Variants in PCDHGA8 observed in about 807,000 individuals in gnomAD.
PCDHGA8 encodes the protein protocadherin gamma subfamily A, 8, also known as protocadherin gamma-A8.
A neutral mutation model predicts 59.2 loss-of-function variants in PCDHGA8; 45 were observed. The observed-to-expected ratio is 0.76, with a 90% CI of 0.60 to 0.98. The LOEUF is 0.98. PCDHGA8 is among the 50% of genes least tolerant of loss of function. PCDHGA8 has a pLI of 0.00. For synonymous variants in PCDHGA8, 531 were observed against 519.0 expected, an observed-to-expected ratio of 1.02 and a Z score of -0.32; for missense variants, 1,257 against 1,196.2, an observed-to-expected ratio of 1.05 and a Z score of -0.75.
At chr5:141,410,818 T>G in intron 1 of PCDHGA8, 2 of 556,016 alleles carry the variant, frequency 3.6e-6, no homozygotes, top group Non-Finnish European at 5.8e-6. Context: ...TGTAAAATAA[T>G]GTCACCAGAC....
intron 1 of PCDHGA8, chr5:141,400,462 G>C: frequency 1.2e-6 from 2 of 1,614,062 alleles, no homozygotes; most frequent in Non-Finnish European, 1.7e-6. Flanking sequence ...ACTTTGTGGT[G>C]ATTCATCTGG....
rs751345684 is a variant in PCDHGA8 at position 141,398,995 on chromosome 5, C to G, written c.2424+3758C>G. ...CTACAGAACCGGGCAAATCTTTAGT[C>G]TGAATTCAAAGAGCGGAGAAATTAC... On this transcript the variant is annotated intron_variant, in intron 1 of 3. Transcript: ENST00000398604. 2.5e-5 allele frequency: 41 copies of G among 1,613,782 alleles called. No homozygotes were observed. The East Asian group carries it at 8.7e-4, about 34-fold the overall frequency.
At chr5:141,405,377 G>T (rs763495028) in intron 1 of PCDHGA8, 29 of 1,603,350 alleles carry the variant, frequency 1.8e-5, no homozygotes, top group Admixed American at 3.5e-5. Flanking sequence ...TTTGGTTCCG[G>T]TGAGTTCATT....
At chr5:141,458,438 C>T (rs2098945825) in intron 1 of PCDHGA8, among the ~76,000 whole-genome samples, 1 of 152,024 alleles carries the variant, frequency 6.6e-6, no homozygotes, top group Non-Finnish European at 1.5e-5. Flanking sequence ...GAGGAGGTCC[C>T]CCACATTAAC....
rs2099413746 is a variant in PCDHGA8, at chr5:141,477,589, G to A, written c.2425-17218G>A. ...ACCCCGACGCCCCGCAGAATGCTCGGCTTTCTTTCTTTCTCTTGGAGCAAG... is the reference window on the plus strand; with the variant it reads ...ACCCCGACGCCCCGCAGAATGCTCGACTTTCTTTCTTTCTCTTGGAGCAAG... On this transcript the variant is annotated intron_variant, in intron 1 of 3. Transcript: ENST00000398604. The surrounding 1 kb of genome is among the most constrained non-coding windows in gnomAD (Gnocchi z 4.9). 1 of 1,614,012 alleles carries A rather than the reference G, an allele frequency of 6.2e-7. No individual in the cohort carries two copies. The highest frequency in any genetic ancestry group is 1.1e-5 in the South Asian group (1 of 91,090).
chr5:141,479,568 G>A (rs553213095), intron 1 of PCDHGA8: 2 of 152,346 alleles, frequency 1.3e-5, no homozygotes, highest in East Asian at 3.9e-4. Context: ...GTAGTGGGAT[G>A]ACATCTGTGA....
chr5:141,424,434 T>C (rs2096821185), intron 1 of PCDHGA8: 1 of 151,048 alleles, frequency 6.6e-6, no homozygotes, highest in Admixed American at 6.6e-5. Flanking sequence ...GAGGAAATAA[T>C]TGAATTATTG....
chr5:141,428,358 G>T, intron 1 of PCDHGA8: 1 of 565,492 alleles, frequency 1.8e-6, no homozygotes, highest in Non-Finnish European at 3.2e-6. Flanking sequence ...TGATTTTGGC[G>T]GTCGCCTTGC....
At chr5:141,405,804 C>T (rs1277295024) in intron 1 of PCDHGA8, among the ~76,000 whole-genome samples, 1 of 146,338 alleles carries the variant, frequency 6.8e-6, no homozygotes, top group Non-Finnish European at 1.5e-5. Context: ...AGTTAGCTTT[C>T]TCTTTAACTG....
At chr5:141,409,617 C>A (rs2095293168) in intron 1 of PCDHGA8, 1 of 1,613,748 alleles carries the variant, frequency 6.2e-7, no homozygotes, top group South Asian at 1.1e-5. Context: ...GCCTCCATTG[C>A]GCAAGTGAGC....
chr5:141,406,906 C>T (rs1186250719), intron 1 of PCDHGA8, among the ~76,000 whole-genome samples: 1 of 152,048 alleles, frequency 6.6e-6, no homozygotes, highest in Non-Finnish European at 1.5e-5. Flanking sequence ...CTGTTTTTAG[C>T]TATAAGGAAG....
chr5:141,427,766 G>A lies in PCDHGA8; in HGVS notation c.2424+32529G>A, dbSNP rs549550151. The A allele has an allele frequency of 1.1e-4, 152 of 1,386,456 alleles. No homozygotes were observed. In the African/African-American group the frequency reaches 1.8e-3, roughly 17 times the overall value. The allele number at this position is 1,386,456 out of a possible 1,614,324, so 85.9% of individuals were successfully genotyped here. ...CCTACTCCATCGTTACCACTGACTT[G>A]GAGCTGCGGGCACTGTCGTCCTACG... On this transcript the variant is annotated intron_variant, in intron 1 of 3. Transcript: ENST00000398604.
Position 141,440,827 on chromosome 5 carries a change from A to G in PCDHGA8, c.2424+45590A>G, listed in dbSNP as rs570022849. 7 of 152,196 alleles carry G rather than the reference A, an allele frequency of 4.6e-5. 1 individual carries two copies. The highest frequency in any genetic ancestry group is 1.4e-4 in the African/African-American group (6 of 41,526). 9.4% of individuals were successfully genotyped at this position (152,196 alleles called of 1,614,324 possible). A position where few individuals can be genotyped will look rare whatever the true frequency, so the allele number is the denominator to read the frequency against. ...GCAGCATCACTCAACTCCTGATCCT[A>G]TTGGTTGAAGCCAATGACAACCCTG... On this transcript the variant is annotated intron_variant, in intron 1 of 3. Transcript: ENST00000398604.
rs61612330 is a variant in PCDHGA8 at position 141,454,796 on chromosome 5, A to ATTTTTTTTTTTTTTTT, written c.2425-39997_2425-39982dup. Among the ~76,000 whole-genome samples the ATTTTTTTTTTTTTTTT allele has an allele frequency of 1.2e-3, 96 of 77,456 alleles. 8 individuals are homozygous for ATTTTTTTTTTTTTTTT. The highest frequency in any genetic ancestry group is 2.0e-3 in the South Asian group (4 of 1,960). 50.8% of individuals were successfully genotyped at this position (77,456 alleles called of 152,430 possible). A position where few individuals can be genotyped will look rare whatever the true frequency, so the allele number is the denominator to read the frequency against. ...AAGGAAATAATCCTCCATGGTTCTA[A>ATTTTTTTTTTTTTTTT]TTTTTTTTTTTTTTTTTTTTTTTTT... On this transcript the variant is annotated intron_variant, in intron 1 of 3. Coordinates refer to ENST00000398604, the MANE Select transcript of PCDHGA8 (RefSeq NM_032088.2).
intron 1 of PCDHGA8, chr5:141,418,005 A>G: frequency 6.2e-7 from 1 of 1,613,764 alleles, no homozygotes. Flanking sequence ...GTGGTGGGGA[A>G]CCTCGCTAAG....
In PCDHGA8 at chr5:141,439,231, T is replaced by C. The variant is rs545867747; in HGVS notation, c.2424+43994T>C. 2.0e-5 allele frequency among the ~76,000 whole-genome samples: 3 copies of C among 151,650 alleles called. No individual in the cohort carries two copies. In the East Asian group the frequency reaches 5.8e-4, roughly 29 times the overall value. On this transcript the variant is annotated intron_variant, in intron 1 of 3. Coordinates refer to ENST00000398604, the MANE Select transcript of PCDHGA8 (RefSeq NM_032088.2). ...TCCATATGTGAAAATTCTTAGAAGC[T>C]TCCTATACAATTTCAGCTGAAGATT...
chr5:141,505,210 A>G (rs899138393), intron 2 of PCDHGA8, among the ~76,000 whole-genome samples, 183 bp from the exon 3 acceptor site: 3 of 152,192 alleles, frequency 2.0e-5, no homozygotes, highest in African/African-American at 7.2e-5. Flanking sequence ...GGTTTGAGGG[A>G]CTGACTTGTG....
At chr5:141,420,722 A>G (rs1428516588) in intron 1 of PCDHGA8, among the ~76,000 whole-genome samples, 1 of 152,226 alleles carries the variant, frequency 6.6e-6, no homozygotes, top group African/African-American at 2.4e-5. Context: ...CGTTCCTTTC[A>G]GTCGGTTAAA....
rs980122657 is a variant in PCDHGA8, at chr5:141,511,379, C to G, written c.*206C>G. The G allele has an allele frequency of 2.9e-5, 34 of 1,169,842 alleles. No individual in the cohort carries two copies. The highest frequency in any genetic ancestry group is 3.9e-5 in the Non-Finnish European group (33 of 853,834). The allele number at this position is 1,169,842 out of a possible 1,614,324, so 72.5% of individuals were successfully genotyped here. ...GGGGGTTGAATATGCAAAAGCAGTT[C>G]CGCTGGGAACCCCCATCCAATCAAC... On this transcript the variant is annotated 3_prime_UTR_variant, in exon 4 of 4. Transcript: ENST00000398604.
Sources: gnomAD v4.1 joint callset for allele counts (sites outside exome capture counted in the v4.1 genomes callset) on GRCh38, gnomAD v4.1.1 for gene constraint, Gnocchi (gnomAD v3.1) non-coding constraint, MANE v1.5 for transcripts, NCBI Gene and HGNC (gene_info 2026-07-23, HGNC 2026-07-21) for gene names.